MUC17: variants seen among roughly 807,000 people sequenced by gnomAD.
MUC17 encodes mucin-17.
MUC17 carries 190 observed loss-of-function variants against 170.3 expected under a neutral mutation model. The ratio of observed to expected loss-of-function variants is 1.12; its 90% CI spans 0.99 to 1.26. The LOEUF is 1.26. MUC17 is among the 50% of genes most tolerant of loss of function. MUC17 has a pLI of 0.00. For synonymous variants in MUC17, 2,325 were observed against 2,002.5 expected, an observed-to-expected ratio of 1.16 and a Z score of -4.30; for missense variants, 6,415 against 5,530.0, an observed-to-expected ratio of 1.16 and a Z score of -5.08.
intron 1 of MUC17, among the ~76,000 whole-genome samples, chr7:101,028,128 G>T (rs572182202): frequency 7.3e-6 from 1 of 137,058 alleles, no homozygotes. Context: ...GTCTTGCTCC[G>T]TCACCCAGGC....
Position 101,036,082 on chromosome 7 carries a change from A to G in MUC17, c.4666A>G (p.Thr1556Ala), listed in dbSNP as rs1383082964. The change falls in exon 3 of 13, where the codon ACA becomes GCA. Residue 1556 changes from threonine (T) to alanine (A), a missense_variant. Transcript: ENST00000306151. ...TTYSQASSSP[T>A]TADGTSMQTS... is the part of the protein sequence containing the mutation. ...TTATTCTCAAGCCAGTTCATCTCCT[A>G]CAACTGCTGACGGTACCAGCATGCA... 3 of 1,612,174 alleles carry G rather than the reference A, an allele frequency of 1.9e-6. No homozygotes were observed. The highest frequency in any genetic ancestry group is 2.7e-5 in the African/African-American group (2 of 74,864).
chr7:101,021,068 A>C (rs1473644844), intron 1 of MUC17, among the ~76,000 whole-genome samples: 3 of 149,944 alleles, frequency 2.0e-5, no homozygotes, highest in African/African-American at 7.4e-5. Flanking sequence ...TAATGAAAAC[A>C]CTCCTTTCCT....
rs759991700 is a variant in MUC17 at position 101,053,016 on chromosome 7, T to C, written c.13134T>C (p.Ser4378=). 6.6e-5 allele frequency: 106 copies of C among 1,613,980 alleles called. No individual in the cohort carries two copies. In the East Asian group the frequency reaches 1.3e-3, roughly 20 times the overall value. Reference sequence around the variant, plus strand: ...TGACCACGGAAACTCACTGGTACAGTGGGGAGACCTGTAACCAGGGCACCC... The same window carrying C: ...TGACCACGGAAACTCACTGGTACAGCGGGGAGACCTGTAACCAGGGCACCC... The part of the protein sequence containing the change: ...LCVTTETHWY[S]GETCNQGTQK... Residue 4378 remains serine, a synonymous_variant, in exon 10 of 13, where the codon AGT becomes AGC. Coordinates refer to ENST00000306151, the MANE Select transcript of MUC17 (RefSeq NM_001040105.2).
rs773071184 is a variant in MUC17, at chr7:101,038,125, G to A, written c.6709G>A (p.Ala2237Thr). The A allele has an allele frequency of 3.9e-5, 62 of 1,589,458 alleles. No individual in the cohort carries two copies. The highest frequency in any genetic ancestry group is 1.9e-4 in the Admixed American group (11 of 57,312). The change falls in exon 3 of 13, where the codon GCT (alanine) becomes ACT (threonine). Residue 2237 changes from alanine (A) to threonine (T), a missense_variant. Transcript: ENST00000306151. ...VSTMPVVTSE[A>T]STLSATPVDT... The stretch of plus-strand genomic sequence containing the variant: ...CACCATGCCGGTAGTTACTTCTGAG[G>A]CTAGCACCCTTTCAGCAACTCCTGT...
Position 101,041,096 on chromosome 7 carries a change from T to G in MUC17, c.9680T>G (p.Val3227Gly), listed in dbSNP as rs774859983. ...GAAGGAATGACTCCATTAACTAGTG[T>G]ACCTGTCAGCAACACGCCGGTGGCC... ...PSEGMTPLTSVPVSNTPVASS... is the reference protein window; with the variant it reads ...PSEGMTPLTSGPVSNTPVASS... Residue 3227 changes from valine to glycine, a missense_variant, in exon 3 of 13, where the codon GTA (valine) becomes GGA (glycine). Physicochemically the swap from Val to Gly is moderately radical, Grantham distance 109. Transcript: ENST00000306151. 3.7e-6 allele frequency: 6 copies of G among 1,613,798 alleles called. No homozygotes were observed. The African/African-American group carries it at 6.7e-5, about 18-fold the overall frequency.
intron 5 of MUC17, 60 bp from the exon 6 acceptor site, chr7:101,049,264 T>A (rs1176641052): frequency 6.2e-7 from 1 of 1,608,820 alleles, no homozygotes; most frequent in Non-Finnish European, 8.5e-7. Flanking sequence ...GACCTCCTGA[T>A]GTCCCACAGA....
At chr7:101,029,083 G>A (rs1197782234) in intron 1 of MUC17, among the ~76,000 whole-genome samples, 4 of 152,078 alleles carry the variant, frequency 2.6e-5, no homozygotes, top group Non-Finnish European at 4.4e-5. Flanking sequence ...AGCTACTCGG[G>A]AGGCTGAGGC....
chr7:101,039,809 C>T lies in MUC17; in HGVS notation c.8393C>T (p.Thr2798Ile), dbSNP rs576240288. The T allele has an allele frequency of 3.7e-6, 6 of 1,606,758 alleles. No homozygotes were observed. In the African/African-American group the frequency reaches 5.4e-5, roughly 14 times the overall value. Residue 2798 changes from threonine (T) to isoleucine (I), a missense_variant, in exon 3 of 13, where the codon ACC becomes ATC. Coordinates refer to ENST00000306151, the MANE Select transcript of MUC17 (RefSeq NM_001040105.2). ...ASSSPTTAEV[T>I]SMPTSTPSET... ...TCCTCTCCTACAACTGCTGAAGTTA[C>T]CAGCATGCCAACCTCAACTCCTAGT...
intron 1 of MUC17, among the ~76,000 whole-genome samples, chr7:101,022,560 C>T (rs2116385182): frequency 6.6e-6 from 1 of 152,336 alleles, no homozygotes; most frequent in Non-Finnish European, 1.5e-5. Flanking sequence ...TGCAGTGGCT[C>T]ATGCCTATAA....
In MUC17 at chr7:101,041,761, C is replaced by G; in HGVS notation, c.10345C>G (p.Pro3449Ala). 6.2e-7 allele frequency: 1 copy of G among 1,613,822 alleles called. No homozygotes were observed. The highest frequency in any genetic ancestry group is 8.5e-7 in the Non-Finnish European group (1 of 1,179,980). The change falls in exon 3 of 13, where the codon CCA becomes GCA. Residue 3449 changes from proline to alanine, a missense_variant. Coordinates refer to ENST00000306151, the MANE Select transcript of MUC17 (RefSeq NM_001040105.2). ...SPTIAEGTSL[P>A]TSTTSEGSTP... ...TACAATCGCTGAAGGTACCAGCTTG[C>G]CAACCTCAACTACTAGTGAAGGAAG...
Position 101,040,804 on chromosome 7 carries a change from G to T in MUC17, c.9388G>T (p.Val3130Phe). The change falls in exon 3 of 13, where the codon GTT becomes TTT. Residue 3130 changes from valine to phenylalanine, a missense_variant. Transcript: ENST00000306151. ...AATCAGCACCCTTTCAACAACTCCT[G>T]TTGACACCAGCACACCTGTGACCAC... The part of the protein sequence containing the change: ...SAISTLSTTP[V>F]DTSTPVTTST... 6.2e-7 allele frequency: 1 copy of T among 1,613,388 alleles called. No individual in the cohort carries two copies. The highest frequency in any genetic ancestry group is 8.5e-7 in the Non-Finnish European group (1 of 1,179,782).
Position 101,038,821 on chromosome 7 carries a change from G to A in MUC17, c.7405G>A (p.Val2469Ile), listed in dbSNP as rs780013939. The A allele has an allele frequency of 2.5e-6, 4 of 1,612,618 alleles. No homozygotes were observed. In the East Asian group the frequency reaches 6.7e-5, roughly 27 times the overall value. The change falls in exon 3 of 13, where the codon GTC becomes ATC. Residue 2469 changes from valine to isoleucine, a missense_variant. Val to Ile is a conservative substitution (Grantham distance 29). Coordinates refer to ENST00000306151, the MANE Select transcript of MUC17 (RefSeq NM_001040105.2). ...TATGCCTGTCAGCACCACGCCGGTG[G>A]TCAGTTCTGAGGCTGGCACCCTTTC... ...ASMPVSTTPVVSSEAGTLSTT... is the reference protein window; with the variant it reads ...ASMPVSTTPVISSEAGTLSTT...
chr7:101,048,769 C>A, intron 4 of MUC17, 76 bp from the exon 5 acceptor site: 2 of 1,568,602 alleles, frequency 1.3e-6, no homozygotes, highest in Non-Finnish European at 8.7e-7. Flanking sequence ...AGCTCACTCC[C>A]TCCACCCAGG....
rs200046156 is a variant in MUC17, at chr7:101,037,112, C to T, written c.5696C>T (p.Thr1899Ile). Residue 1899 changes from threonine to isoleucine, a missense_variant, in exon 3 of 13, where the codon ACC becomes ATC. By Grantham distance (89) the Thr-to-Ile change is moderately conservative. Transcript: ENST00000306151. ...TTPAVTSTPV[T>I]TYAQVSSSPT... ...CCCGCTGTCACCAGCACACCTGTGA[C>T]CACTTATGCTCAAGTCAGTTCATCT... 1 of 1,556,040 alleles carries T rather than the reference C, an allele frequency of 6.4e-7. No individual in the cohort carries two copies. The highest frequency in any genetic ancestry group is 8.5e-7 in the Non-Finnish European group (1 of 1,177,470).
rs781596662 is a variant in MUC17 at position 101,043,316 on chromosome 7, C to A, written c.11900C>A (p.Thr3967Asn). 4 of 1,614,190 alleles carry A rather than the reference C, an allele frequency of 2.5e-6. No individual in the cohort carries two copies. The highest frequency in any genetic ancestry group is 1.3e-5 in the African/African-American group (1 of 75,036). ...GGTGCTGTATCTACCCCTGTGATAA[C>A]TTCCACTGAACTAAACACACCATCA... ...TTGAVSTPVI[T>N]STELNTPSTS... The change falls in exon 3 of 13, where the codon ACT (threonine) becomes AAT (asparagine). Residue 3967 changes from threonine to asparagine, a missense_variant. Thr to Asn is a moderately conservative substitution (Grantham distance 65). Coordinates refer to ENST00000306151, the MANE Select transcript of MUC17 (RefSeq NM_001040105.2).
chr7:101,028,378 C>G (rs189988560), intron 1 of MUC17, among the ~76,000 whole-genome samples: 4 of 151,980 alleles, frequency 2.6e-5, no homozygotes, highest in Non-Finnish European at 4.4e-5. Flanking sequence ...CATAAGCCAC[C>G]GCGTCCAGAT....
At chr7:101,029,795 C>T (rs925462468) in intron 1 of MUC17, among the ~76,000 whole-genome samples, 19 of 151,994 alleles carry the variant, frequency 1.3e-4, no homozygotes, top group African/African-American at 4.6e-4. Flanking sequence ...GACAGGGTTT[C>T]ACCATGTTGG....
In MUC17 at chr7:101,042,265, C is replaced by T. The variant is rs554843009; in HGVS notation, c.10849C>T (p.Pro3617Ser). ...VTTSTQSNST[P>S]TPPEVITLPM... ...CACTTCTACTCAGAGCAATTCTACT[C>T]CTACACCTCCTGAAGTTATCACCCT... is the stretch of plus-strand genomic sequence containing the variant. The change falls in exon 3 of 13, where the codon CCT (proline) becomes TCT (serine). Residue 3617 changes from proline to serine, a missense_variant. Pro to Ser is a moderately conservative substitution (Grantham distance 74). Coordinates refer to ENST00000306151, the MANE Select transcript of MUC17 (RefSeq NM_001040105.2). 8.7e-6 allele frequency: 14 copies of T among 1,613,590 alleles called. No individual in the cohort carries two copies. The African/African-American group carries it at 1.5e-4, about 17-fold the overall frequency.
intron 9 of MUC17, 75 bp downstream of exon 9, chr7:101,052,037 G>C: frequency 6.6e-7 from 1 of 1,521,098 alleles, no homozygotes; most frequent in Non-Finnish European, 8.9e-7. Flanking sequence ...CTTCACCCCA[G>C]GCATTGCCTG....
Sources: allele counts gnomAD v4.1 joint callset (sites outside exome capture counted in the v4.1 genomes callset), GRCh38; gene constraint gnomAD v4.1.1; transcripts MANE v1.5; gene names NCBI Gene and HGNC (gene_info 2026-07-23, HGNC 2026-07-21).